The following ESRRG variants were observed in gnomAD, a reference collection of about 807,000 sequenced individuals.
ESRRG encodes the protein estrogen-related receptor gamma.
ESRRG carries 13 observed loss-of-function variants against 44.0 expected under a neutral mutation model. The ratio of observed to expected loss-of-function variants is 0.30; its 90% CI spans 0.19 to 0.47. The LOEUF is 0.47. Ranked by LOEUF, ESRRG falls within the 20% of genes least tolerant of loss-of-function variation. ESRRG has a pLI of 1.00. For missense variants in ESRRG, 395 were observed against 580.6 expected (o/e 0.68, Z 3.29); for synonymous variants, 215 against 214.6 (o/e 1.00, Z -0.02).
At chr1:216,514,538 A>T (rs1396196689) in intron 6 of ESRRG, among the ~76,000 whole-genome samples, 2 of 152,142 alleles carry the variant, frequency 1.3e-5, no homozygotes, top group Non-Finnish European at 2.9e-5. Context: ...AAGATAAAGG[A>T]AGTGGGCATG....
intron 3 of ESRRG, 30 bp from the exon 4 acceptor site, chr1:216,568,128 AT>A: frequency 6.8e-7 from 1 of 1,480,960 alleles, no homozygotes; most frequent in Non-Finnish European, 9.4e-7. Context: ...CCGGCTTACT[AT>A]TAAGGTAGCT....
chr1:217,029,837 T>A (rs1460325177), intron 1 of ESRRG, among the ~76,000 whole-genome samples: 1 of 152,160 alleles, frequency 6.6e-6, no homozygotes, highest in East Asian at 1.9e-4. Context: ...AAAACGCAGC[T>A]GACCAAAAAG....
At chr1:217,003,592 A>AAT (rs57556993) in intron 1 of ESRRG, among the ~76,000 whole-genome samples, 17,218 of 147,642 alleles carry the variant, frequency 0.12, 1,653 homozygotes, top group African/African-American at 0.26. Context: ...TATTAATATT[A>AAT]ATTAATATTA....
intron 2 of ESRRG, among the ~76,000 whole-genome samples, chr1:216,915,808 A>G (rs1271150679): frequency 6.6e-6 from 1 of 152,186 alleles, no homozygotes; most frequent in Admixed American, 6.5e-5. Context: ...TGTGCACCAG[A>G]AGTGCTGATG....
intron 2 of ESRRG, among the ~76,000 whole-genome samples, chr1:216,907,419 T>TGCC (rs771224514): frequency 3.0e-4 from 46 of 152,310 alleles, no homozygotes; most frequent in Non-Finnish European, 3.4e-4. Flanking sequence ...AGGAGGGAGA[T>TGCC]GCCGCACTTG....
chr1:217,103,141 A>C (rs2092541776), intron 1 of ESRRG, among the ~76,000 whole-genome samples: 1 of 152,164 alleles, frequency 6.6e-6, no homozygotes, highest in South Asian at 2.1e-4. Context: ...TAGAAAGCAC[A>C]GAGTTTTTAC....
intron 5 of ESRRG, among the ~76,000 whole-genome samples, chr1:216,534,826 T>C (rs2050436276): frequency 6.6e-6 from 1 of 152,182 alleles, no homozygotes. Context: ...GGCAACATCA[T>C]GGAGCTGATG....
intron 1 of ESRRG, among the ~76,000 whole-genome samples, chr1:216,973,888 A>G (rs1247524899): frequency 6.6e-6 from 1 of 151,898 alleles, no homozygotes; most frequent in Non-Finnish European, 1.5e-5. Flanking sequence ...AAATCTAGCT[A>G]CTATAACAGC....
At chr1:216,647,566 A>G (rs1194247754) in intron 3 of ESRRG, among the ~76,000 whole-genome samples, 1 of 152,182 alleles carries the variant, frequency 6.6e-6, no homozygotes, top group African/African-American at 2.4e-5. Context: ...GCTAATGAGA[A>G]AGCATATCTT....
intron 2 of ESRRG, among the ~76,000 whole-genome samples, chr1:216,801,000 T>C (rs752017541): frequency 1.5e-4 from 23 of 152,170 alleles, no homozygotes; most frequent in Admixed American, 6.6e-4. Context: ...AATGTTATTG[T>C]GTATTTTTAA....
chr1:217,014,833 G>A (rs17686957), intron 1 of ESRRG, among the ~76,000 whole-genome samples: 2,217 of 152,154 alleles, frequency 0.015, 27 homozygotes, highest in Non-Finnish European at 0.023. Context: ...ACCTTTAGTA[G>A]CCTCTTGGAG....
intron 3 of ESRRG, among the ~76,000 whole-genome samples, chr1:216,610,116 T>A (rs1378830104): frequency 6.6e-6 from 1 of 152,034 alleles, no homozygotes; most frequent in African/African-American, 2.4e-5. Context: ...GTCATACATT[T>A]AGCAATAGAA....
chr1:216,706,541 T>G (rs926463063), intron 1 of ESRRG, among the ~76,000 whole-genome samples: 1 of 152,170 alleles, frequency 6.6e-6, no homozygotes, highest in Non-Finnish European at 1.5e-5. Flanking sequence ...CCTGTAATAC[T>G]ATAACACACA....
chr1:216,925,229 G>C (rs1441164361), intron 2 of ESRRG, among the ~76,000 whole-genome samples: 1 of 151,296 alleles, frequency 6.6e-6, no homozygotes, highest in East Asian at 2.0e-4. Flanking sequence ...ATGAGGCCAG[G>C]AGTTCAAGAC....
chr1:217,017,090 C>T (rs1157648677), intron 1 of ESRRG, among the ~76,000 whole-genome samples: 4 of 152,060 alleles, frequency 2.6e-5, no homozygotes, highest in African/African-American at 9.7e-5. Context: ...GAAGTTGGGA[C>T]AGAATGCTCT....
At chr1:217,019,710 T>G (rs148949521) in intron 1 of ESRRG, among the ~76,000 whole-genome samples, 9 of 152,216 alleles carry the variant, frequency 5.9e-5, no homozygotes, top group Non-Finnish European at 1.0e-4. Context: ...TTTGTCTTTA[T>G]AGAAACCAGG....
intron 2 of ESRRG, among the ~76,000 whole-genome samples, chr1:216,938,755 T>C (rs988390295): frequency 2.0e-5 from 3 of 152,194 alleles, no homozygotes; most frequent in Non-Finnish European, 4.4e-5. Flanking sequence ...GAGTAACTAA[T>C]ACATCAGAGA....
At chr1:216,847,641 T>C (rs1187125733) in intron 2 of ESRRG, among the ~76,000 whole-genome samples, 1 of 152,102 alleles carries the variant, frequency 6.6e-6, no homozygotes, top group Admixed American at 6.6e-5. Context: ...TCATTATTCT[T>C]AAGCATATTG....
At chr1:216,814,276 T>C (rs1357882611) in intron 2 of ESRRG, among the ~76,000 whole-genome samples, 1 of 152,174 alleles carries the variant, frequency 6.6e-6, no homozygotes, top group Admixed American at 6.5e-5. Context: ...TATTTAGTAT[T>C]TATTTTTGGG....
Sources: allele counts gnomAD v4.1 joint callset (sites outside exome capture counted in the v4.1 genomes callset), GRCh38; gene constraint gnomAD v4.1.1; transcripts MANE v1.5; gene names NCBI Gene and HGNC (gene_info 2026-07-23, HGNC 2026-07-21).